Variants in INTS3 observed in about 807,000 individuals in gnomAD.
INTS3 encodes SOSS complex subunit A.
INTS3 carries 34 observed loss-of-function variants against 146.3 expected under a neutral mutation model. The observed-to-expected ratio is 0.23, with a 90% CI of 0.18 to 0.31. The LOEUF is 0.31. Ranked by LOEUF, INTS3 falls within the 10% of genes least tolerant of loss-of-function variation. INTS3 has a pLI of 1.00. For synonymous variants in INTS3, 475 were observed against 494.9 expected (o/e 0.96, Z 0.53); for missense variants, 757 against 1,304.2 (o/e 0.58, Z 6.46).
chr1:153,772,516 G>A lies in INTS3; in HGVS notation c.2821+76G>A, dbSNP rs562085316. On this transcript the variant is annotated intron_variant, in intron 27 of 29. Transcript: ENST00000318967. The surrounding 1 kb of genome is among the most constrained non-coding windows in gnomAD (Gnocchi z 4.6). ...GACTATGCCTGGAGCCAGGCTGGGG[G>A]CAGGGGCAGGACACCCGGGGCCACA... 6.2e-7 allele frequency: 1 copy of A among 1,612,814 alleles called. No individual in the cohort carries two copies.
chr1:153,736,057 G>A (rs759239040), intron 1 of INTS3, among the ~76,000 whole-genome samples: 5 of 152,078 alleles, frequency 3.3e-5, no homozygotes, highest in Non-Finnish European at 7.4e-5. Context: ...AAAAACAGAG[G>A]AAGCCCAGCT....
chr1:153,771,473 T>C (rs12071801), intron 25 of INTS3, among the ~76,000 whole-genome samples: 24,895 of 151,936 alleles, frequency 0.16, 3,942 homozygotes, highest in African/African-American at 0.42. Context: ...GGGGAGCATC[T>C]GCATGCCACA....
Position 153,773,312 on chromosome 1 carries a change from T to C in INTS3, c.*42T>C. 3 of 1,549,250 alleles carry C rather than the reference T, an allele frequency of 1.9e-6. No individual in the cohort carries two copies. Among genetic ancestry groups the C allele is most frequent in the Non-Finnish European group, 2.7e-6 (3 of 1,120,892 alleles). ...TCCCACCCCCGGCTGGACTGCCCTC[T>C]CCTTCTTGGTGATTCAAAGGTTAAT... On this transcript the variant is annotated 3_prime_UTR_variant, in exon 30 of 30. Transcript: ENST00000318967.
At chr1:153,756,183 C>A (rs1468386005) in intron 9 of INTS3, among the ~76,000 whole-genome samples, 1 of 151,742 alleles carries the variant, frequency 6.6e-6, no homozygotes, top group Admixed American at 6.6e-5. Flanking sequence ...CAAGACTAGC[C>A]GGGCAACATG....
intron 17 of INTS3, 42 bp downstream of exon 17, chr1:153,763,928 C>G: frequency 3.8e-6 from 6 of 1,576,968 alleles, no homozygotes; most frequent in Non-Finnish European, 5.2e-6. Flanking sequence ...GCAGCCTAGC[C>G]TGCTTAGCTT....
chr1:153,731,887 G>A (rs1169231941), intron 1 of INTS3, among the ~76,000 whole-genome samples: 4 of 141,848 alleles, frequency 2.8e-5, no homozygotes, highest in Non-Finnish European at 3.0e-5. Context: ...ACCTGGCCCC[G>A]CGTCTTTTTT....
In INTS3 at chr1:153,762,804, A is replaced by G; in HGVS notation, c.1593A>G (p.Ala531=). The change falls in exon 15 of 30, where the codon GCA becomes GCG. Residue 531 remains alanine, a synonymous_variant. Transcript: ENST00000318967. The stretch of plus-strand genomic sequence containing the variant: ...AGGATGAGAGTTGCTATGACAATGC[A>G]GAGGCAGCCTTCAGTGACGATGAAG... ...SDKDESCYDN[A]EAAFSDDEED... 6.2e-7 allele frequency: 1 copy of G among 1,614,206 alleles called. No individual in the cohort carries two copies. Among genetic ancestry groups the G allele is most frequent in the Non-Finnish European group, 8.5e-7 (1 of 1,180,050 alleles).
At chr1:153,749,979 T>G (rs951071937) in intron 6 of INTS3, among the ~76,000 whole-genome samples, 1 of 152,166 alleles carries the variant, frequency 6.6e-6, no homozygotes, top group Admixed American at 6.5e-5. Context: ...ACCTAGAAAT[T>G]TAAAACTGTG....
intron 12 of INTS3, 128 bp downstream of exon 12, chr1:153,760,518 A>G (rs1672344545): frequency 1.4e-6 from 1 of 736,086 alleles, no homozygotes; most frequent in Non-Finnish European, 2.3e-6. Flanking sequence ...CATGGGTCCT[A>G]TCCCCCAAGT....
At chr1:153,743,699 C>CT (rs1671621365) in intron 3 of INTS3, among the ~76,000 whole-genome samples, 1 of 152,142 alleles carries the variant, frequency 6.6e-6, no homozygotes, top group African/African-American at 2.4e-5. Flanking sequence ...AACTAAACAG[C>CT]TGGGAGCAGG....
chr1:153,758,236 A>G (rs1424759301), intron 10 of INTS3, among the ~76,000 whole-genome samples: 1 of 152,180 alleles, frequency 6.6e-6, no homozygotes, highest in Non-Finnish European at 1.5e-5. Context: ...GTGGGAAACT[A>G]TCCATTCTCT....
At chr1:153,759,880 C>T in intron 11 of INTS3, 1 of 535,012 alleles carries the variant, frequency 1.9e-6, no homozygotes, top group East Asian at 3.1e-5. Flanking sequence ...AAGGCTGTAC[C>T]ATGTCCTGCT....
intron 13 of INTS3, 155 bp downstream of exon 13, chr1:153,761,073 C>T: frequency 6.9e-7 from 1 of 1,446,562 alleles, no homozygotes; most frequent in South Asian, 1.5e-5. Context: ...CTTCTTGGCT[C>T]TTAGAGGAAT....
At chr1:153,758,943 C>T (rs1558002793) in intron 10 of INTS3, among the ~76,000 whole-genome samples, 1 of 151,838 alleles carries the variant, frequency 6.6e-6, no homozygotes, top group Non-Finnish European at 1.5e-5. Flanking sequence ...CCCATCTCTA[C>T]CAAAACAAAA....
chr1:153,749,351 G>T (rs1570853673), intron 6 of INTS3, among the ~76,000 whole-genome samples: 2 of 152,168 alleles, frequency 1.3e-5, no homozygotes, highest in Non-Finnish European at 2.9e-5. Context: ...TTCCACATCT[G>T]AACTTGTTTG....
At chr1:153,728,988 A>T (rs1196335417) in intron 1 of INTS3, among the ~76,000 whole-genome samples, 1 of 152,168 alleles carries the variant, frequency 6.6e-6, no homozygotes, top group Non-Finnish European at 1.5e-5. Context: ...TAGTAACAGC[A>T]GCCACTAGTA....
At chr1:153,771,698 T>C (rs1015298721) in intron 25 of INTS3, 98 bp from the exon 26 acceptor site, 12 of 1,155,160 alleles carry the variant, frequency 1.0e-5, no homozygotes, top group Non-Finnish European at 1.5e-5. Flanking sequence ...GAGTAGTGGG[T>C]GGGTGGGGAG....
chr1:153,743,488 TAGTG>T (rs747083622), intron 3 of INTS3, among the ~76,000 whole-genome samples: 44 of 152,138 alleles, frequency 2.9e-4, no homozygotes, highest in Non-Finnish European at 4.1e-4. Context: ...CTCTGGGACT[TAGTG>T]GGTGGGATTA....
chr1:153,736,186 A>AT (rs1671277658), intron 1 of INTS3, among the ~76,000 whole-genome samples: 1 of 152,198 alleles, frequency 6.6e-6, no homozygotes, highest in South Asian at 2.1e-4. Context: ...GTGACCTCAC[A>AT]GCTCCTTTTC....
Sources: gnomAD v4.1 joint callset for allele counts (sites outside exome capture counted in the v4.1 genomes callset) on GRCh38, gnomAD v4.1.1 for gene constraint, Gnocchi (gnomAD v3.1) non-coding constraint, MANE v1.5 for transcripts, NCBI Gene and HGNC (gene_info 2026-07-23, HGNC 2026-07-21) for gene names.